Variants in OR9I1 observed in about 807,000 individuals in gnomAD.
OR9I1 encodes olfactory receptor family 9 subfamily I member 1.
Under a neutral mutation model 11.2 loss-of-function variants are expected in OR9I1, and 7 were observed. The observed-to-expected ratio is 0.62, with a 90% CI of 0.36 to 1.17. The LOEUF is 1.17. OR9I1 is among the 50% of genes most tolerant of loss of function. The pLI, the probability that OR9I1 is intolerant of heterozygous loss-of-function variation, is 0.02. For synonymous variants in OR9I1, 165 were observed against 153.4 expected (o/e 1.08, Z -0.56); for missense variants, 428 against 377.2 (o/e 1.13, Z -1.12).
chr11:58,119,349 CAG>C lies in OR9I1; in HGVS notation c.94_95del (p.Leu32GlufsTer89). 6.2e-7 allele frequency: 1 copy of C among 1,613,814 alleles called. No individual in the cohort carries two copies. Among genetic ancestry groups the C allele is most frequent in the Non-Finnish European group, 8.5e-7 (1 of 1,179,824 alleles). The part of the protein sequence containing the change: ...KLEIPLFLVF[L>X]SFYLVTLLGN... ...CAAGAAGGGTGACTAGGTAGAAACT[CAG>C]AAACACCAGAAAGAGGGGAATCTCC... is the stretch of plus-strand genomic sequence containing the variant. On this transcript the variant is annotated frameshift_variant, in exon 3 of 3. Coordinates refer to ENST00000641439, the MANE Select transcript of OR9I1 (RefSeq NM_001005211.2). LOFTEE classifies it high-confidence loss of function.
rs903488682 is a variant in OR9I1 at position 58,118,304 on chromosome 11, A to G, written c.*196T>C. 1.1e-5 allele frequency: 6 copies of G among 521,850 alleles called. No homozygotes were observed. The South Asian group carries it at 1.9e-4, about 16-fold the overall frequency. 32.3% of individuals were successfully genotyped at this position (521,850 alleles called of 1,614,324 possible). ...CTAAGGAATGGATTGAAAGTGGAAGAAGGGGATAAGAAGAAAGAACATGGA... is the reference window on the plus strand; with the variant it reads ...CTAAGGAATGGATTGAAAGTGGAAGGAGGGGATAAGAAGAAAGAACATGGA... On this transcript the variant is annotated 3_prime_UTR_variant, in exon 3 of 3. Transcript: ENST00000641439.
In OR9I1 at chr11:58,119,472, G is replaced by T; in HGVS notation, c.-22-6C>A. On this transcript the variant is annotated splice_polypyrimidine_tract_variant and splice_region_variant and intron_variant, in intron 2 of 2. Coordinates refer to ENST00000641439, the MANE Select transcript of OR9I1 (RefSeq NM_001005211.2). The stretch of plus-strand genomic sequence containing the variant: ...AGACAATGTGGACTGTTGGTCTGAG[G>T]ATGATAATGAAATAAAAAGAATCTC... 7.5e-7 allele frequency: 1 copy of T among 1,329,702 alleles called. No individual in the cohort carries two copies. Among genetic ancestry groups the T allele is most frequent in the Non-Finnish European group, 1.0e-6 (1 of 955,750 alleles). The allele number at this position is 1,329,702 out of a possible 1,614,324, so 82.4% of individuals were successfully genotyped here. A position where few individuals can be genotyped will look rare whatever the true frequency, so the allele number is the denominator to read the frequency against.
Position 58,119,126 on chromosome 11 carries a change from A to C in OR9I1, c.319T>G (p.Cys107Gly), listed in dbSNP as rs750914333. ...CAAQFFLFTI[C>G]AGTECFLLAV... ...AGCAGAAAGCACTCTGTGCCTGCAC[A>C]GATGGTGAATAAAAAGAACTGGGCA... Residue 107 changes from cysteine (C) to glycine (G), a missense_variant, in exon 3 of 3, where the codon TGT becomes GGT. Coordinates refer to ENST00000641439, the MANE Select transcript of OR9I1 (RefSeq NM_001005211.2). The C allele has an allele frequency of 1.2e-6, 2 of 1,614,032 alleles. No homozygotes were observed. Among genetic ancestry groups the C allele is most frequent in the African/African-American group, 1.3e-5 (1 of 75,062 alleles).
At chr11:58,119,489 A>G in intron 2 of OR9I1, 23 bp from the exon 3 acceptor site, 2 of 1,258,910 alleles carry the variant, frequency 1.6e-6, no homozygotes, top group East Asian at 2.3e-5. Context: ...ATGAAATAAA[A>G]AGAATCTCAG....
chr11:58,118,898 G>A lies in OR9I1; in HGVS notation c.547C>T (p.Pro183Ser), dbSNP rs141404154. ...QINFFFCDLP[P>S]LLKLACSDTA... ...TCACTGCAGGCAAGCTTCAGCAGGGGTGGGAGGTCACAGAAGAAGAAGTTT... is the reference window on the plus strand; with the variant it reads ...TCACTGCAGGCAAGCTTCAGCAGGGATGGGAGGTCACAGAAGAAGAAGTTT... The change falls in exon 3 of 3, where the codon CCC (proline) becomes TCC (serine). Residue 183 changes from proline to serine, a missense_variant. Transcript: ENST00000641439. 1 of 1,614,054 alleles carries A rather than the reference G, an allele frequency of 6.2e-7. No homozygotes were observed. The highest frequency in any genetic ancestry group is 8.5e-7 in the Non-Finnish European group (1 of 1,179,998).
At chr11:58,121,327 A>G (rs866229751) in intron 2 of OR9I1, among the ~76,000 whole-genome samples, 14 of 152,156 alleles carry the variant, frequency 9.2e-5, no homozygotes, top group Non-Finnish European at 1.8e-4. Context: ...CATCCAGGAT[A>G]CTCATTAAAA....
In OR9I1 at chr11:58,120,803, CATATATAT is replaced by C. The variant is rs61634454; in HGVS notation, c.-22-1345_-22-1338del. Among the ~76,000 whole-genome samples, 358 of 132,668 alleles carry C rather than the reference CATATATAT, an allele frequency of 2.7e-3. 6 individuals are homozygous for C. The highest frequency in any genetic ancestry group is 9.2e-3 in the African/African-American group (321 of 35,070). 87.0% of individuals were successfully genotyped at this position (132,668 alleles called of 152,430 possible). ...TATATTTGTATCTTTATTTCAATAC[CATATATAT>C]ATATATATATATATATACATATATT... On this transcript the variant is annotated intron_variant, in intron 2 of 2. Transcript: ENST00000641439.
rs776360003 is a variant in OR9I1, at chr11:58,119,397, G to T, written c.48C>A (p.Gly16=). The part of the protein sequence containing the change: ...LTRVTEFILM[G]FMDHPKLEIP... ...TCTCCAATTTGGGGTGGTCCATAAA[G>T]CCCATGAGAATGAATTCGGTTACTC... is the stretch of plus-strand genomic sequence containing the variant. The change falls in exon 3 of 3, where the codon GGC becomes GGA. Residue 16 remains glycine (G), a synonymous_variant. Transcript: ENST00000641439. 6.2e-7 allele frequency: 1 copy of T among 1,613,634 alleles called. No individual in the cohort carries two copies. Among genetic ancestry groups the T allele is most frequent in the Non-Finnish European group, 8.5e-7 (1 of 1,179,670 alleles).
Position 58,124,566 on chromosome 11 carries a change from T to G in OR9I1, c.-151A>C, listed in dbSNP as rs1046158483. The G allele has an allele frequency of 6.6e-6, 1 of 152,224 alleles. No individual in the cohort carries two copies. The highest frequency in any genetic ancestry group is 2.4e-5 in the African/African-American group (1 of 41,454). The allele number at this position is 152,224 out of a possible 1,614,324, so 9.4% of individuals were successfully genotyped here. A position where few individuals can be genotyped will look rare whatever the true frequency, so the allele number is the denominator to read the frequency against. On this transcript the variant is annotated 5_prime_UTR_variant, in exon 2 of 3. Coordinates refer to ENST00000641439, the MANE Select transcript of OR9I1 (RefSeq NM_001005211.2). ...TGAAATCAGTGTCTTGAAATATTGT[T>G]GTTAACATTTGCTGAGCTCTTGCTC...
intron 2 of OR9I1, among the ~76,000 whole-genome samples, chr11:58,120,104 T>C (rs958573850): frequency 6.6e-6 from 1 of 152,184 alleles, no homozygotes; most frequent in Non-Finnish European, 1.5e-5. Flanking sequence ...CAAAAAGTCT[T>C]TCTTTCTACT....
intron 1 of OR9I1, 117 bp from the exon 2 acceptor site, chr11:58,124,756 T>G (rs146231635): frequency 1.3e-5 from 2 of 152,326 alleles, no homozygotes; most frequent in African/African-American, 4.8e-5. Context: ...TATGTTTAAA[T>G]TCTAACCCTG....
intron 2 of OR9I1, among the ~76,000 whole-genome samples, chr11:58,123,704 TATTCTTTCCATCTTATCA>T (rs2120146304): frequency 1.3e-5 from 2 of 152,324 alleles, no homozygotes; most frequent in East Asian, 3.9e-4. Flanking sequence ...CCAAATTCTG[TATTCTTTCCATCTTATCA>T]TGTTCTCTTT....
At chr11:58,121,514 C>T (rs1039930467) in intron 2 of OR9I1, among the ~76,000 whole-genome samples, 1 of 152,120 alleles carries the variant, frequency 6.6e-6, no homozygotes, top group Admixed American at 6.6e-5. Flanking sequence ...TGAAACCATC[C>T]GTTGACCCAC....
intron 2 of OR9I1, among the ~76,000 whole-genome samples, chr11:58,120,803 C>CATATATAT (rs61634454): frequency 0.091 from 12,007 of 132,250 alleles, 688 homozygotes; most frequent in Admixed American, 0.18. Flanking sequence ...ATTTCAATAC[C>CATATATAT]ATATATATAT....
chr11:58,120,823 T>TATATATATATATATAC (rs1854023678), intron 2 of OR9I1, among the ~76,000 whole-genome samples: 1 of 147,482 alleles, frequency 6.8e-6, no homozygotes, highest in South Asian at 2.1e-4. Context: ...TATATATATA[T>TATATATATATATATAC]ATATACATAT....
rs1477678687 is a variant in OR9I1, at chr11:58,118,990, C to A, written c.455G>T (p.Gly152Val). The A allele has an allele frequency of 6.2e-7, 1 of 1,613,744 alleles. No individual in the cohort carries two copies. The highest frequency in any genetic ancestry group is 8.5e-7 in the Non-Finnish European group (1 of 1,179,978). Residue 152 changes from glycine to valine, a missense_variant, in exon 3 of 3, where the codon GGG becomes GTG. Transcript: ENST00000641439. ...WSLVVGAYVC[G>V]VSGAILRTTC... is the part of the protein sequence containing the mutation. ...GGTACGCAGGATGGCTCCTGACACC[C>A]CACAGACATAGGCTCCTACCACCAG...
chr11:58,119,908 C>T (rs1332407772), intron 2 of OR9I1, among the ~76,000 whole-genome samples: 1 of 152,118 alleles, frequency 6.6e-6, no homozygotes, highest in South Asian at 2.1e-4. Context: ...CTTAGTTTTA[C>T]CCCTTCTAGA....
At chr11:58,124,298 ATAT>A (rs1304927883) in intron 2 of OR9I1, 137 bp downstream of exon 2, 1 of 152,212 alleles carries the variant, frequency 6.6e-6, no homozygotes, top group Admixed American at 6.5e-5. Flanking sequence ...TTATAGGTTG[ATAT>A]TATTACTTGT....
rs544312953 is a variant in OR9I1 at position 58,118,933 on chromosome 11, T to C, written c.512A>G (p.Asp171Gly). The C allele has an allele frequency of 8.1e-6, 13 of 1,614,006 alleles. No individual in the cohort carries two copies. The South Asian group carries it at 1.1e-4, about 14-fold the overall frequency. The change falls in exon 3 of 3, where the codon GAC becomes GGC. Residue 171 changes from aspartate to glycine, a missense_variant. Coordinates refer to ENST00000641439, the MANE Select transcript of OR9I1 (RefSeq NM_001005211.2). Reference protein sequence around the residue: ...TCTFTLSFCKDNQINFFFCDL... With the variant: ...TCTFTLSFCKGNQINFFFCDL... ...ACAGAAGAAGAAGTTTATTTGATTG[T>C]CCTTACAGAAGGAGAGGGTGAAGGT...
Sources: gnomAD v4.1 joint callset for allele counts (sites outside exome capture counted in the v4.1 genomes callset) on GRCh38, gnomAD v4.1.1 for gene constraint, MANE v1.5 for transcripts, NCBI Gene and HGNC (gene_info 2026-07-23, HGNC 2026-07-21) for gene names.